LINGO2: variants seen among roughly 807,000 people sequenced by gnomAD.
LINGO2 encodes leucine-rich repeat and immunoglobulin-like domain-containing nogo receptor-interacting protein 2.
In LINGO2, 14 loss-of-function variants were observed where a neutral mutation model predicts 30.6. That is an observed-to-expected ratio of 0.46 (90% CI 0.30 to 0.72). The LOEUF is 0.72. LINGO2 is among the 30% of genes least tolerant of loss of function. LINGO2 has a pLI of 0.07. For synonymous variants in LINGO2, 317 were observed against 288.5 expected (o/e 1.10, Z -1.00); for missense variants, 729 against 751.7 (o/e 0.97, Z 0.35).
chr9:28,823,954 T>G, the LINGO2 span, among the ~76,000 whole-genome samples: 1 of 152,054 alleles, frequency 6.6e-6, no homozygotes, highest in Non-Finnish European at 1.5e-5. Context: ...CCTCTGTATT[T>G]AACTGGTAAT....
intron 3 of LINGO2, among the ~76,000 whole-genome samples, chr9:28,335,036 T>A (rs191573040): frequency 6.6e-6 from 1 of 152,166 alleles, no homozygotes; most frequent in Admixed American, 6.6e-5. Context: ...GTTTCTTGCC[T>A]ATCCATATTG....
At chr9:28,712,939 C>A in the LINGO2 span, among the ~76,000 whole-genome samples, 4 of 152,024 alleles carry the variant, frequency 2.6e-5, no homozygotes, top group African/African-American at 9.7e-5. Flanking sequence ...GATCTCCGCT[C>A]ACTGCAAACT....
At chr9:28,363,531 A>G (rs934733733) in intron 3 of LINGO2, among the ~76,000 whole-genome samples, 1 of 152,210 alleles carries the variant, frequency 6.6e-6, no homozygotes, top group Non-Finnish European at 1.5e-5. Context: ...TTCTTTAGAC[A>G]TATAAAGACA....
the LINGO2 span, among the ~76,000 whole-genome samples, chr9:28,758,007 T>C: frequency 2.6e-5 from 4 of 152,168 alleles, no homozygotes; most frequent in Admixed American, 2.6e-4. Flanking sequence ...AAGCCAGTGG[T>C]GGCTCCTACA....
At chr9:28,657,530 T>A (rs1828403259) in intron 1 of LINGO2, among the ~76,000 whole-genome samples, 1 of 151,948 alleles carries the variant, frequency 6.6e-6, no homozygotes, top group Non-Finnish European at 1.5e-5. Context: ...GATTATCCAA[T>A]TTGTTGGCAT....
the LINGO2 span, among the ~76,000 whole-genome samples, chr9:28,906,218 A>G: frequency 1.3e-5 from 2 of 151,976 alleles, no homozygotes; most frequent in Admixed American, 6.6e-5. Flanking sequence ...AATAATTTCA[A>G]GATATTTATT....
chr9:28,290,100 T>G lies in LINGO2; in HGVS notation c.-87+5108A>C, dbSNP rs1204914928. Among the ~76,000 whole-genome samples, 25 of 152,176 alleles carry G rather than the reference T, an allele frequency of 1.6e-4. 2 individuals are homozygous for G. Among genetic ancestry groups the G allele is most frequent in the Non-Finnish European group, 3.7e-4 (25 of 68,034 alleles). On this transcript the variant is annotated intron_variant, in intron 4 of 5. Coordinates refer to ENST00000379992, the Ensembl canonical transcript of LINGO2. ...TCCATCATTCTTCTGCATTACATCT[T>G]TTTTTAAGTGAGGGAACCAAAGCTG...
chr9:28,367,789 G>T (rs1192812450), intron 3 of LINGO2, among the ~76,000 whole-genome samples: 1 of 151,850 alleles, frequency 6.6e-6, no homozygotes, highest in South Asian at 2.1e-4. Flanking sequence ...CTATTAGTTT[G>T]CAATTATTAT....
intron 4 of LINGO2, among the ~76,000 whole-genome samples, chr9:28,109,110 T>A (rs1028131873): frequency 6.6e-6 from 1 of 152,172 alleles, no homozygotes; most frequent in African/African-American, 2.4e-5. Flanking sequence ...TCAATAAACA[T>A]AATCCATCAC....
chr9:28,121,767 A>T (rs1357266446), intron 4 of LINGO2, among the ~76,000 whole-genome samples: 2 of 152,236 alleles, frequency 1.3e-5, no homozygotes, highest in East Asian at 3.8e-4. Flanking sequence ...GTGAATAAAG[A>T]AAACCTGCAC....
the LINGO2 span, among the ~76,000 whole-genome samples, chr9:29,078,972 AT>A: frequency 6.6e-6 from 1 of 151,942 alleles, no homozygotes; most frequent in African/African-American, 2.4e-5. Context: ...TATCACACCT[AT>A]GAAGTAGGAA....
chr9:28,865,097 G>A, the LINGO2 span, among the ~76,000 whole-genome samples: 5 of 152,102 alleles, frequency 3.3e-5, no homozygotes, highest in South Asian at 4.1e-4. Context: ...GAAGGGTGGG[G>A]TAAGTGTTCT....
chr9:29,114,069 C>A, the LINGO2 span, among the ~76,000 whole-genome samples: 1 of 151,940 alleles, frequency 6.6e-6, no homozygotes, highest in East Asian at 1.9e-4. Flanking sequence ...TAGGGGAAAT[C>A]ATTAGGTATC....
chr9:28,015,483 G>A (rs377574631), intron 4 of LINGO2, among the ~76,000 whole-genome samples: 2 of 5,088 alleles, frequency 3.9e-4, no homozygotes, highest in Admixed American at 3.5e-3. Flanking sequence ...GAGGTTCAAC[G>A]TTTAAATAAG....
the LINGO2 span, among the ~76,000 whole-genome samples, chr9:29,129,637 T>C: frequency 8.9e-4 from 135 of 152,168 alleles, no homozygotes; most frequent in Non-Finnish European, 1.7e-3. Context: ...AGATGAGTGA[T>C]TGGTGAGAAA....
At chr9:28,171,382 T>A (rs1828577337) in intron 4 of LINGO2, among the ~76,000 whole-genome samples, 1 of 152,116 alleles carries the variant, frequency 6.6e-6, no homozygotes, top group South Asian at 2.1e-4. Context: ...CCAGAACAGT[T>A]TTAATTACAA....
At position 28,141,716 on chromosome 9, in the gene LINGO2, A is replaced by AT. The variant is rs1296256558; in HGVS notation, c.-86-129312_-86-129311insA. 2.6e-5 allele frequency among the ~76,000 whole-genome samples: 4 copies of AT among 152,252 alleles called. No individual in the cohort carries two copies. The East Asian group carries it at 7.8e-4, about 30-fold the overall frequency. On this transcript the variant is annotated intron_variant, in intron 4 of 5. Transcript: ENST00000379992. The stretch of plus-strand genomic sequence containing the variant: ...CGGATCACGAGGTCAGGAGTTCAAG[A>AT]CCAGCTTGGGCAACATCATGAAACA...
chr9:29,116,881 A>T, the LINGO2 span, among the ~76,000 whole-genome samples: 1 of 152,166 alleles, frequency 6.6e-6, no homozygotes, highest in Non-Finnish European at 1.5e-5. Flanking sequence ...AATCAATCCT[A>T]CTGAATATTT....
At chr9:28,458,434 C>T (rs927029491) in intron 2 of LINGO2, among the ~76,000 whole-genome samples, 3 of 152,198 alleles carry the variant, frequency 2.0e-5, no homozygotes, top group African/African-American at 7.2e-5. Flanking sequence ...ATTTCCACCT[C>T]TGCTCACTTC....
Sources: gnomAD v4.1 joint callset for allele counts (sites outside exome capture counted in the v4.1 genomes callset) on GRCh38, gnomAD v4.1.1 for gene constraint, MANE v1.5 for transcripts, NCBI Gene and HGNC (gene_info 2026-07-23, HGNC 2026-07-21) for gene names.